The following KLF8 variants were observed in gnomAD, a reference collection of about 807,000 sequenced individuals.
KLF8 encodes the protein Krueppel-like factor 8.
KLF8 carries 10 observed loss-of-function variants against 18.2 expected under a neutral mutation model. The ratio of observed to expected loss-of-function variants is 0.55; its 90% CI spans 0.34 to 0.93. KLF8 has a LOEUF of 0.93. Among genes scored for constraint, KLF8 ranks in the 40% least tolerant of loss-of-function variants. KLF8 has a pLI of 0.02. For missense variants in KLF8, 264 were observed against 277.9 expected (o/e 0.95, Z 0.36); for synonymous variants, 109 against 97.3 (o/e 1.12, Z -0.71).
chrX:55,955,103 TA>T, the KLF8 span, among the ~76,000 whole-genome samples: 1 of 111,579 alleles, frequency 9.0e-6, no homozygotes, highest in Non-Finnish European at 1.9e-5. Flanking sequence ...TAAAACTTAT[TA>T]AATTATACTA....
the KLF8 span, among the ~76,000 whole-genome samples, chrX:56,147,068 G>A: frequency 2.7e-5 from 3 of 111,341 alleles, no homozygotes; most frequent in Non-Finnish European, 5.7e-5. Flanking sequence ...GAAAGAAGAA[G>A]GTATTGTGAA....
chrX:56,080,247 T>C, the KLF8 span, among the ~76,000 whole-genome samples: 1 of 111,339 alleles, frequency 9.0e-6, no homozygotes, highest in Non-Finnish European at 1.9e-5. Context: ...CTAGTCTCGA[T>C]GGTCTTTACA....
the KLF8 span, among the ~76,000 whole-genome samples, chrX:56,125,030 T>G: frequency 8.9e-6 from 1 of 112,355 alleles, no homozygotes; most frequent in Non-Finnish European, 1.9e-5. Flanking sequence ...TCTGAGTCAC[T>G]TCAGTGTCTG....
intron 1 of KLF8, among the ~76,000 whole-genome samples, chrX:56,246,428 A>G (rs983948785): frequency 5.3e-5 from 6 of 112,295 alleles, no homozygotes; most frequent in Admixed American, 2.8e-4. Flanking sequence ...TGTGCCAGGT[A>G]CTGTTGTAAA....
upstream of KLF8, among the ~76,000 whole-genome samples, chrX:56,230,363 T>G (rs2066391235): frequency 8.9e-6 from 1 of 112,116 alleles, no homozygotes; most frequent in African/African-American, 3.2e-5. Context: ...TGGATAATAC[T>G]CCCCAAATTT....
chrX:56,071,660 G>T, the KLF8 span, among the ~76,000 whole-genome samples: 10 of 110,660 alleles, frequency 9.0e-5, no homozygotes, highest in African/African-American at 3.0e-4. Context: ...ATGAATCCCA[G>T]GATCAACACT....
At chrX:56,040,800 C>CTGTTTTTT in the KLF8 span, among the ~76,000 whole-genome samples, 1 of 6,025 alleles carries the variant, frequency 1.7e-4, no homozygotes, top group Admixed American at 3.0e-3. Flanking sequence ...ATGATACCAG[C>CTGTTTTTT]TTTTTTTTTT....
At chrX:56,084,244 G>A in the KLF8 span, among the ~76,000 whole-genome samples, 1,556 of 110,465 alleles carry the variant, frequency 0.014, 25 homozygotes, top group African/African-American at 0.049. Flanking sequence ...ATGGCCAAGC[G>A]TGGTGGCACA....
upstream of KLF8, among the ~76,000 whole-genome samples, chrX:56,228,475 T>C (rs1378083750): frequency 1.8e-5 from 2 of 112,352 alleles, no homozygotes; most frequent in African/African-American, 6.5e-5. Flanking sequence ...CTGCATCTTA[T>C]TTAATCTTTT....
At chrX:56,114,421 C>T in the KLF8 span, among the ~76,000 whole-genome samples, 5 of 112,764 alleles carry the variant, frequency 4.4e-5, no homozygotes, top group Non-Finnish European at 9.4e-5. Context: ...GAATATCTTG[C>T]GCAAGTGCTT....
intron 2 of KLF8, among the ~76,000 whole-genome samples, chrX:56,251,160 C>G (rs1481411582): frequency 8.9e-6 from 1 of 112,273 alleles, no homozygotes; most frequent in Non-Finnish European, 1.9e-5. Context: ...TGGCCTTGAA[C>G]ACTCCAAGAA....
the KLF8 span, among the ~76,000 whole-genome samples, chrX:56,167,258 G>A: frequency 9.0e-6 from 1 of 111,334 alleles, no homozygotes; most frequent in South Asian, 3.8e-4. Flanking sequence ...AGTCTCCCGA[G>A]TAGCTGAGAT....
the KLF8 span, among the ~76,000 whole-genome samples, chrX:56,153,016 C>G: frequency 9.0e-6 from 1 of 111,640 alleles, no homozygotes; most frequent in Non-Finnish European, 1.9e-5. Context: ...TCATTGAACA[C>G]GCAAAGAGCT....
chrX:56,269,339 A>G (rs2067016638), intron 3 of KLF8, 39 bp from the exon 4 acceptor site: 1 of 1,165,573 alleles, frequency 8.6e-7, no homozygotes, highest in Admixed American at 2.4e-5. Flanking sequence ...AGAGGCACAT[A>G]CATCTTCAGC....
At chrX:56,270,345 C>CAA in intron 5 of KLF8, 24 bp downstream of exon 5, 4 of 1,119,863 alleles carry the variant, frequency 3.6e-6, no homozygotes, top group Non-Finnish European at 4.7e-6. Context: ...CATCTCACCC[C>CAA]CAACACACAC....
At chrX:56,045,114 T>C in the KLF8 span, among the ~76,000 whole-genome samples, 16 of 112,104 alleles carry the variant, frequency 1.4e-4, no homozygotes, top group Admixed American at 1.5e-3. Flanking sequence ...CATCTACGTA[T>C]GGCTTGCTAG....
chrX:56,182,488 T>C, the KLF8 span, among the ~76,000 whole-genome samples: 1 of 112,613 alleles, frequency 8.9e-6, no homozygotes, highest in Non-Finnish European at 1.9e-5. Context: ...TCATTCTCCA[T>C]CCAGCTTTGT....
chrX:56,113,326 G>GT, the KLF8 span, among the ~76,000 whole-genome samples: 1 of 103,008 alleles, frequency 9.7e-6, no homozygotes, highest in Non-Finnish European at 2.0e-5. Context: ...TGTATGCCTT[G>GT]TTTTTTGTTG....
chrX:55,977,961 G>A, the KLF8 span, among the ~76,000 whole-genome samples: 26 of 110,202 alleles, frequency 2.4e-4, no homozygotes, highest in Non-Finnish European at 4.5e-4. Flanking sequence ...TATAATTATG[G>A]GCTGTCCTTC....
Sources: gnomAD v4.1 joint callset for allele counts (sites outside exome capture counted in the v4.1 genomes callset) on GRCh38, gnomAD v4.1.1 for gene constraint, MANE v1.5 for transcripts, NCBI Gene and HGNC (gene_info 2026-07-23, HGNC 2026-07-21) for gene names.